CER1: variants seen among roughly 807,000 people sequenced by gnomAD.
The protein encoded by CER1 is cerberus.
A neutral mutation model predicts 11.8 loss-of-function variants in CER1; 10 were observed. That is an observed-to-expected ratio of 0.85 (90% CI 0.52 to 1.44). The LOEUF (loss-of-function observed/expected upper bound fraction) is 1.44, where lower values mean the gene tolerates loss of function less well. CER1 is among the 40% of genes most tolerant of loss of function. The probability of loss-of-function intolerance (pLI) is 0.00; values close to 1 mark genes in which losing one functional copy is unlikely to be tolerated. For missense variants in CER1, 431 were observed against 327.0 expected, an observed-to-expected ratio of 1.32 and a Z score of -2.45; for synonymous variants, 141 against 122.3, an observed-to-expected ratio of 1.15 and a Z score of -1.01.
At chr9:14,721,905 G>C (rs1270697847) in intron 1 of CER1, among the ~76,000 whole-genome samples, 2 of 152,268 alleles carry the variant, frequency 1.3e-5, no homozygotes, top group East Asian at 3.9e-4. Context: ...ACAGAGCTCT[G>C]TGTCTTCAGT....
chr9:14,722,329 G>A lies in CER1; in HGVS notation c.344C>T (p.Pro115Leu), dbSNP rs192140275. 7.4e-6 allele frequency: 12 copies of A among 1,614,122 alleles called. No individual in the cohort carries two copies. The highest frequency in any genetic ancestry group is 3.3e-4 in the Middle Eastern group (2 of 6,062). ...FPPGTQSLIQ[P>L]IDGMKMEKSP... ...TTTCTCCATTTTCATTCCATCTATC[G>A]GCTGGATGAGGGACTGGGTCCCAGG... Residue 115 changes from proline to leucine, a missense_variant, in exon 1 of 2, where the codon CCG becomes CTG. Transcript: ENST00000380911.
At chr9:14,719,536 TGCC>T (rs1335270688), downstream of CER1, among the ~76,000 whole-genome samples, 214 of 42,888 alleles carry the variant, frequency 5.0e-3, 1 homozygote, top group African/African-American at 0.028. Flanking sequence ...CGTGCCTGCC[TGCC>T]TGCCTGCCTG....
downstream of CER1, chr9:14,719,606 CCTT>C: frequency 1.3e-5 from 2 of 150,970 alleles, no homozygotes; most frequent in African/African-American, 4.9e-5. Flanking sequence ...TTCCTTCCTT[CCTT>C]CCTTCCTTCT....
chr9:14,722,693 CT>C lies in CER1; in HGVS notation c.-22del. Reference sequence around the variant, plus strand: ...TGCATGCTGTCAGGGGCCCAAGCTTCTTTTGTAAATGATGAGGCCCAAAGGA... The same window carrying C: ...TGCATGCTGTCAGGGGCCCAAGCTTCTTTGTAAATGATGAGGCCCAAAGGA... On this transcript the variant is annotated 5_prime_UTR_variant, in exon 1 of 2. It introduces an in-frame stop codon into an upstream open reading frame of the 5' UTR. Coordinates refer to ENST00000380911, the MANE Select transcript of CER1 (RefSeq NM_005454.3). The C allele has an allele frequency of 6.3e-7, 1 of 1,575,494 alleles. No individual in the cohort carries two copies. Among genetic ancestry groups the C allele is most frequent in the Non-Finnish European group, 8.5e-7 (1 of 1,171,250 alleles).
intron 1 of CER1, among the ~76,000 whole-genome samples, chr9:14,721,882 A>T (rs1444668108): frequency 6.6e-6 from 1 of 152,174 alleles, no homozygotes; most frequent in African/African-American, 2.4e-5. Context: ...CAATGCAAAA[A>T]TAAATAAATA....
Position 14,722,324 on chromosome 9 carries a change from C to A in CER1, c.349G>T (p.Asp117Tyr). ...PGTQSLIQPI[D>Y]GMKMEKSPLR... ...GGAGATTTCTCCATTTTCATTCCAT[C>A]TATCGGCTGGATGAGGGACTGGGTC... is the stretch of plus-strand genomic sequence containing the variant. Residue 117 changes from aspartate (D) to tyrosine (Y), a missense_variant, in exon 1 of 2, where the codon GAT becomes TAT. Transcript: ENST00000380911. 1 of 1,614,224 alleles carries A rather than the reference C, an allele frequency of 6.2e-7. No individual in the cohort carries two copies. The highest frequency in any genetic ancestry group is 8.5e-7 in the Non-Finnish European group (1 of 1,180,034).
rs1840021527 is a variant in CER1, at chr9:14,722,152, C to CA, written c.507+13_507+14insT. 2.5e-6 allele frequency: 4 copies of CA among 1,607,592 alleles called. No homozygotes were observed. The highest frequency in any genetic ancestry group is 3.4e-6 in the Non-Finnish European group (4 of 1,176,638). On this transcript the variant is annotated intron_variant, in intron 1 of 1. Coordinates refer to ENST00000380911, the MANE Select transcript of CER1 (RefSeq NM_005454.3). ...CCTGCAAACTCTTACCTGCTCTCCC[C>CA]CCAGAACACATACCTGGCTGAAGGG...
At chr9:14,722,078 C>T (rs1451314754) in intron 1 of CER1, 88 bp downstream of exon 1, 1 of 1,427,824 alleles carries the variant, frequency 7.0e-7, no homozygotes, top group Non-Finnish European at 9.5e-7. Flanking sequence ...AGTCAGGCTC[C>T]TGACAGCCTT....
chr9:14,721,626 T>C (rs2131791418), intron 1 of CER1, among the ~76,000 whole-genome samples: 1 of 152,234 alleles, frequency 6.6e-6, no homozygotes, highest in South Asian at 2.1e-4. Flanking sequence ...ATTAAAGAAG[T>C]CCCTCATAAA....
chr9:14,722,440 T>C lies in CER1; in HGVS notation c.233A>G (p.Lys78Arg). Residue 78 changes from lysine to arginine, a missense_variant, in exon 1 of 2, where the codon AAG becomes AGG. Physicochemically the swap from Lys to Arg is conservative, Grantham distance 26. Coordinates refer to ENST00000380911, the MANE Select transcript of CER1 (RefSeq NM_005454.3). ...GAACCTGCCAAATCTGGACAGCATC[T>C]TCTCTCTCTGCCTCTGGCCTTCCCC... ...PAGEGQRQRE[K>R]MLSRFGRFWK... 3.1e-6 allele frequency: 5 copies of C among 1,614,226 alleles called. No homozygotes were observed. The highest frequency in any genetic ancestry group is 1.1e-5 in the South Asian group (1 of 91,078).
At chr9:14,720,479 T>G (rs79254397) in intron 1 of CER1, 93 bp from the exon 2 acceptor site, 1 of 1,290,718 alleles carries the variant, frequency 7.7e-7, no homozygotes, top group African/African-American at 1.5e-5. Flanking sequence ...TGAGGATAAT[T>G]TAAAAATTTC....
Position 14,722,579 on chromosome 9 carries a change from G to A in CER1, c.94C>T (p.Pro32Ser), listed in dbSNP as rs1840030812. ...CTTTGATTCCTTGGCAGGAGTACGG[G>A]GGAAAGAGAACTCTGATTCTGGCGG... ...DGRQNQSSLS[P>S]VLLPRNQREL... is the part of the protein sequence containing the mutation. The change falls in exon 1 of 2, where the codon CCC (proline) becomes TCC (serine). Residue 32 changes from proline (P) to serine (S), a missense_variant. Physicochemically the swap from Pro to Ser is moderately conservative, Grantham distance 74 (BLOSUM62 -1). Transcript: ENST00000380911. 2 of 1,613,328 alleles carry A rather than the reference G, an allele frequency of 1.2e-6. No individual in the cohort carries two copies. Among genetic ancestry groups the A allele is most frequent in the East Asian group, 2.2e-5 (1 of 44,896 alleles).
In CER1 at chr9:14,722,511, T is replaced by A. The variant is rs769045769; in HGVS notation, c.162A>T (p.Pro54=). The A allele has an allele frequency of 1.9e-6, 3 of 1,614,232 alleles. No individual in the cohort carries two copies. Among genetic ancestry groups the A allele is most frequent in the Non-Finnish European group, 2.5e-6 (3 of 1,180,038 alleles). The change falls in exon 1 of 2, where the codon CCA becomes CCT. Residue 54 remains proline (P), a synonymous_variant. Transcript: ENST00000380911. ...GGTGTGGCACTGCGACAAACAGATC[T>A]GGCTTCTCCTCAGCTTCCTCATGGT... is the stretch of plus-strand genomic sequence containing the variant. ...TGNHEEAEEK[P]DLFVAVPHLV... is the part of the protein sequence containing the mutation.
chr9:14,717,887 A>T (rs1839957468), downstream of CER1, among the ~76,000 whole-genome samples: 1 of 152,328 alleles, frequency 6.6e-6, no homozygotes, highest in Admixed American at 6.5e-5. Flanking sequence ...AAATACAGTG[A>T]TAACCTACTT....
chr9:14,720,096 T>C lies in CER1; in HGVS notation c.798A>G (p.Ser266=), dbSNP rs904155379. 1.9e-6 allele frequency: 3 copies of C among 1,612,302 alleles called. No homozygotes were observed. The highest frequency in any genetic ancestry group is 2.5e-6 in the Non-Finnish European group (3 of 1,178,436). The part of the protein sequence containing the change: ...GSQDSFIPGV[S]A ...GTAATAGTGGGATAGCTCTTCAAGC[T>C]GAAACTCCTGGGATAAAGGAATCCT... The change falls in exon 2 of 2, where the codon TCA becomes TCG. Residue 266 remains serine, a synonymous_variant. Transcript: ENST00000380911.
rs1268487669 is a variant in CER1 at position 14,720,290 on chromosome 9, A to G, written c.604T>C (p.Ser202Pro). 6.2e-7 allele frequency: 1 copy of G among 1,614,110 alleles called. No homozygotes were observed. The highest frequency in any genetic ancestry group is 1.7e-5 in the Admixed American group (1 of 60,028). Residue 202 changes from serine to proline, a missense_variant, in exon 2 of 2, where the codon TCC (serine) becomes CCC (proline). Coordinates refer to ENST00000380911, the MANE Select transcript of CER1 (RefSeq NM_005454.3). ...SVHFPGAAQH[S>P]HTSCSHCLPA... ...AAACAGTGAGAGCAGGAGGTATGGGAGTGCTGCGCGGCTCCAGGAAAATGA... is the reference window on the plus strand; with the variant it reads ...AAACAGTGAGAGCAGGAGGTATGGGGGTGCTGCGCGGCTCCAGGAAAATGA...
Position 14,722,622 on chromosome 9 carries a change from G to A in CER1, c.51C>T (p.Thr17=), listed in dbSNP as rs764398379. 4 of 1,606,964 alleles carry A rather than the reference G, an allele frequency of 2.5e-6. No individual in the cohort carries two copies. The highest frequency in any genetic ancestry group is 3.4e-6 in the Non-Finnish European group (4 of 1,179,926). ...QLLVLLPLGK[T]TRHQDGRQNQ... ...TCTGGCGGCCATCCTGGTGCCGTGTGGTCTTTCCTAGAGGCAGGAGTACCA... is the reference window on the plus strand; with the variant it reads ...TCTGGCGGCCATCCTGGTGCCGTGTAGTCTTTCCTAGAGGCAGGAGTACCA... Residue 17 remains threonine (T), a synonymous_variant, in exon 1 of 2, where the codon ACC becomes ACT. Coordinates refer to ENST00000380911, the MANE Select transcript of CER1 (RefSeq NM_005454.3).
At position 14,722,352 on chromosome 9, in the gene CER1, A is replaced by G. The variant is rs1217218902; in HGVS notation, c.321T>C (p.Pro107=). 9 of 1,614,064 alleles carry G rather than the reference A, an allele frequency of 5.6e-6. No individual in the cohort carries two copies. The highest frequency in any genetic ancestry group is 6.8e-6 in the Non-Finnish European group (8 of 1,180,020). Residue 107 remains proline, a synonymous_variant, in exon 1 of 2, where the codon CCT becomes CCC. Coordinates refer to ENST00000380911, the MANE Select transcript of CER1 (RefSeq NM_005454.3). The stretch of plus-strand genomic sequence containing the variant: ...TCGGCTGGATGAGGGACTGGGTCCC[A>G]GGTGGGAAGGGCTCACTATCTGAGT... ...SRDSDSEPFP[P]GTQSLIQPID... is the part of the protein sequence containing the mutation.
At chr9:14,721,782 T>C (rs1840016042) in intron 1 of CER1, among the ~76,000 whole-genome samples, 1 of 152,152 alleles carries the variant, frequency 6.6e-6, no homozygotes, top group African/African-American at 2.4e-5. Context: ...TGCAGAAAGA[T>C]AGCTACAGAG....
Sources: gnomAD v4.1 joint callset for allele counts (sites outside exome capture counted in the v4.1 genomes callset) on GRCh38, gnomAD v4.1.1 for gene constraint, MANE v1.5 for transcripts, NCBI Gene and HGNC (gene_info 2026-07-23, HGNC 2026-07-21) for gene names.